The following KERA variants were observed in gnomAD, a reference collection of about 807,000 sequenced individuals.
The protein encoded by KERA is keratocan.
Under a neutral mutation model 26.4 loss-of-function variants are expected in KERA, and 25 were observed. That is an observed-to-expected ratio of 0.95 (90% CI 0.69 to 1.32). The LOEUF (loss-of-function observed/expected upper bound fraction) is 1.32. Ranked by LOEUF, KERA falls within the 40% of genes most tolerant of loss-of-function variation. The pLI is 0.00. For missense variants in KERA, 434 were observed against 408.9 expected (o/e 1.06, Z -0.53); for synonymous variants, 167 against 146.1 (o/e 1.14, Z -1.03).
At chr12:91,052,387 C>T (rs1273409860) in intron 2 of KERA, among the ~76,000 whole-genome samples, 2 of 151,482 alleles carry the variant, frequency 1.3e-5, no homozygotes, top group Non-Finnish European at 3.0e-5. Flanking sequence ...AAAACCATTC[C>T]AAACAAGAGA....
chr12:91,051,613 C>T (rs1486030404), intron 2 of KERA, 95 bp from the exon 3 acceptor site: 13 of 842,554 alleles, frequency 1.5e-5, no homozygotes, highest in Non-Finnish European at 2.4e-5. Context: ...CTATGGAGGG[C>T]TTAGTGGCCT....
intron 2 of KERA, among the ~76,000 whole-genome samples, chr12:91,054,277 T>C (rs1389224351): frequency 6.6e-6 from 1 of 151,428 alleles, no homozygotes; most frequent in Non-Finnish European, 1.5e-5. Context: ...ATTATTTGCT[T>C]AAAAAGCTTT....
intron 1 of KERA, 91 bp from the exon 2 acceptor site, chr12:91,056,380 T>C: frequency 9.7e-7 from 1 of 1,030,404 alleles, no homozygotes. Flanking sequence ...ACATTGCTTC[T>C]TCAGGGAAGA....
intron 2 of KERA, among the ~76,000 whole-genome samples, chr12:91,053,449 C>T (rs762660402): frequency 1.3e-4 from 19 of 151,346 alleles, no homozygotes; most frequent in Admixed American, 2.6e-4. Flanking sequence ...AGCTGATCTT[C>T]AGTTTCTCTC....
At chr12:91,053,747 T>A (rs1432307919) in intron 2 of KERA, among the ~76,000 whole-genome samples, 6 of 151,312 alleles carry the variant, frequency 4.0e-5, no homozygotes, top group Admixed American at 4.0e-4. Context: ...ACTACACACA[T>A]AATACTCCAT....
At position 91,051,186 on chromosome 12, in the gene KERA, T is replaced by C. The variant is rs1878855474; in HGVS notation, c.*160A>G. ...TAATGCAGGCTGTGATGCATGTAACTGGCAAAAGCATCTTTGAATAGAAAA... is the reference window on the plus strand; with the variant it reads ...TAATGCAGGCTGTGATGCATGTAACCGGCAAAAGCATCTTTGAATAGAAAA... On this transcript the variant is annotated 3_prime_UTR_variant, in exon 3 of 3. Transcript: ENST00000266719. 3.1e-6 allele frequency: 2 copies of C among 639,864 alleles called. No homozygotes were observed. Among genetic ancestry groups the C allele is most frequent in the South Asian group, 3.5e-5 (2 of 56,792 alleles). 39.6% of individuals were successfully genotyped at this position (639,864 alleles called of 1,614,324 possible). A position where few individuals can be genotyped will look rare whatever the true frequency, so the allele number is the denominator to read the frequency against.
At position 91,050,855 on chromosome 12, in the gene KERA, C is replaced by T. The variant is rs565470967; in HGVS notation, c.*491G>A. The T allele has an allele frequency of 6.2e-6, 1 of 160,172 alleles. No homozygotes were observed. Among genetic ancestry groups the T allele is most frequent in the East Asian group, 1.7e-4 (1 of 5,730 alleles). 9.9% of individuals were successfully genotyped at this position (160,172 alleles called of 1,614,324 possible). On this transcript the variant is annotated 3_prime_UTR_variant, in exon 3 of 3. Transcript: ENST00000266719. ...ACCCATTCTCAAGCTAAATATCAAACTTGTACCACCAACAGCTACTTAGCA... is the reference window on the plus strand; with the variant it reads ...ACCCATTCTCAAGCTAAATATCAAATTTGTACCACCAACAGCTACTTAGCA...
At chr12:91,052,667 A>G (rs1013446917) in intron 2 of KERA, among the ~76,000 whole-genome samples, 6 of 151,514 alleles carry the variant, frequency 4.0e-5, no homozygotes, top group African/African-American at 1.5e-4. Flanking sequence ...TTATTATTCT[A>G]CATACCTGGG....
At chr12:91,054,794 C>A (rs1878949158) in intron 2 of KERA, among the ~76,000 whole-genome samples, 1 of 151,146 alleles carries the variant, frequency 6.6e-6, no homozygotes, top group African/African-American at 2.4e-5. Flanking sequence ...GTGTAGTTCC[C>A]AGAACATCAA....
intron 2 of KERA, among the ~76,000 whole-genome samples, chr12:91,055,038 C>T (rs1320760418): frequency 6.6e-6 from 1 of 151,158 alleles, no homozygotes; most frequent in Non-Finnish European, 1.5e-5. Flanking sequence ...TATTACTAGT[C>T]ATGAGGTTGT....
chr12:91,051,815 T>G (rs1878875026), intron 2 of KERA, among the ~76,000 whole-genome samples: 1 of 151,506 alleles, frequency 6.6e-6, no homozygotes, highest in East Asian at 2.0e-4. Flanking sequence ...ACGTCACTTG[T>G]TTTCTAAATT....
In KERA at chr12:91,050,620, G is replaced by A. The variant is rs7973611; in HGVS notation, c.*726C>T. Reference sequence around the variant, plus strand: ...AATCAAATATAAAGAACAATTTGCAGTTTAAGTGGATTTCAAATGTTAAAA... The same window carrying A: ...AATCAAATATAAAGAACAATTTGCAATTTAAGTGGATTTCAAATGTTAAAA... On this transcript the variant is annotated 3_prime_UTR_variant, in exon 3 of 3. Transcript: ENST00000266719. 0.16 allele frequency: 24,262 copies of A among 151,890 alleles called. 3,130 individuals are homozygous for A. Among genetic ancestry groups the A allele is most frequent in the African/African-American group, 0.35 (14,388 of 41,356 alleles). The allele number at this position is 151,890 out of a possible 1,614,324, so 9.4% of individuals were successfully genotyped here. A position where few individuals can be genotyped will look rare whatever the true frequency, so the allele number is the denominator to read the frequency against.
intron 1 of KERA, among the ~76,000 whole-genome samples, chr12:91,056,974 CCTTTCTCTCTCTCT>C (rs1422731638): frequency 4.8e-5 from 6 of 124,666 alleles, no homozygotes; most frequent in African/African-American, 2.3e-4. Context: ...TCTCTCTCTC[CCTTTCTCTCTCTCT>C]CTCTCTCTCA....
chr12:91,051,393 T>C lies in KERA; in HGVS notation c.1012A>G (p.Met338Val), dbSNP rs1878861805. 6.2e-7 allele frequency: 1 copy of C among 1,611,330 alleles called. No individual in the cohort carries two copies. Among genetic ancestry groups the C allele is most frequent in the Non-Finnish European group, 8.5e-7 (1 of 1,178,162 alleles). ...DGNEIKPPIP[M>V]ALMTCFRLLQ... ...AGTCTGAAGCAGGTCATTAAAGCCA[T>C]TGGAATTGGTGGTTTGATTTCATTT... The change falls in exon 3 of 3, where the codon ATG becomes GTG. Residue 338 changes from methionine (M) to valine (V), a missense_variant. Coordinates refer to ENST00000266719, the MANE Select transcript of KERA (RefSeq NM_007035.4).
At chr12:91,053,207 C>T (rs1158530524) in intron 2 of KERA, among the ~76,000 whole-genome samples, 1 of 151,278 alleles carries the variant, frequency 6.6e-6, no homozygotes, top group African/African-American at 2.4e-5. Flanking sequence ...TCCAGGGAAA[C>T]TCTTATATTT....
chr12:91,055,766 G>T lies in KERA; in HGVS notation c.516C>A (p.Asp172Glu). Residue 172 changes from aspartate (D) to glutamate (E), a missense_variant, in exon 2 of 3, where the codon GAC (aspartate) becomes GAA (glutamate). Transcript: ENST00000266719. ...FSNLENLTLL[D>E]LQNNKLVDNA... Reference sequence around the variant, plus strand: ...TGTCCACTAATTTGTTGTTCTGTAGGTCAAGAAGGGTCAGGTTCTCCAGAT... The same window carrying T: ...TGTCCACTAATTTGTTGTTCTGTAGTTCAAGAAGGGTCAGGTTCTCCAGAT... 1.9e-6 allele frequency: 3 copies of T among 1,611,374 alleles called. No homozygotes were observed. The highest frequency in any genetic ancestry group is 2.5e-6 in the Non-Finnish European group (3 of 1,178,246).
chr12:91,053,069 T>C (rs1331577683), intron 2 of KERA, among the ~76,000 whole-genome samples: 1 of 143,894 alleles, frequency 6.9e-6, no homozygotes, highest in East Asian at 1.9e-4. Context: ...TAAATTTTGA[T>C]GTCTTTTCAT....
intron 1 of KERA, 57 bp downstream of exon 1, chr12:91,057,687 G>A (rs1018835400): frequency 8.0e-5 from 12 of 150,156 alleles, no homozygotes; most frequent in Non-Finnish European, 1.5e-4. Flanking sequence ...TGCGTCTGTT[G>A]AATAAGTACT....
intron 1 of KERA, among the ~76,000 whole-genome samples, chr12:91,057,232 G>T (rs1366656876): frequency 6.7e-6 from 1 of 150,060 alleles, no homozygotes. Context: ...AAGTAGGTTA[G>T]CGTTTACTAA....
Sources: gnomAD v4.1 joint callset for allele counts (sites outside exome capture counted in the v4.1 genomes callset) on GRCh38, gnomAD v4.1.1 for gene constraint, MANE v1.5 for transcripts, NCBI Gene and HGNC (gene_info 2026-07-23, HGNC 2026-07-21) for gene names.